CLEC2D: variants seen among roughly 807,000 people sequenced by gnomAD.
CLEC2D encodes the protein C-type lectin domain family 2 member D.
A neutral mutation model predicts 20.0 loss-of-function variants in CLEC2D; 16 were observed. That is an observed-to-expected ratio of 0.80 (90% CI 0.54 to 1.22). CLEC2D has a LOEUF of 1.22. Among genes scored for constraint, CLEC2D ranks in the 50% most tolerant of loss-of-function variants. CLEC2D has a pLI of 0.00. For missense variants in CLEC2D, 207 were observed against 221.5 expected (o/e 0.93, Z 0.42); for synonymous variants, 77 against 71.1 (o/e 1.08, Z -0.42).
In CLEC2D at chr12:9,698,321, A is replaced by G. The variant is rs1866049375; in HGVS notation, c.*3447A>G. On this transcript the variant is annotated 3_prime_UTR_variant, in exon 5 of 5. Transcript: ENST00000290855. The stretch of plus-strand genomic sequence containing the variant: ...CACTATGCTGTGCAATAGATCTCAA[A>G]AGCTTATTCCTCTTAACTGAAACCT... The G allele has an allele frequency of 6.6e-6, 1 of 152,184 alleles. No individual in the cohort carries two copies. The highest frequency in any genetic ancestry group is 1.5e-5 in the Non-Finnish European group (1 of 68,032). 9.4% of individuals were successfully genotyped at this position (152,184 alleles called of 1,614,324 possible). A position where few individuals can be genotyped will look rare whatever the true frequency, so the allele number is the denominator to read the frequency against.
chr12:9,672,679 C>T (rs1451163900), intron 1 of CLEC2D, among the ~76,000 whole-genome samples: 2 of 152,124 alleles, frequency 1.3e-5, no homozygotes, highest in African/African-American at 4.8e-5. Context: ...TCCATCCTCC[C>T]TGTCTCTTTC....
At chr12:9,670,280 A>AATAT (rs34951810) in intron 1 of CLEC2D, among the ~76,000 whole-genome samples, 22 of 150,990 alleles carry the variant, frequency 1.5e-4, no homozygotes, top group African/African-American at 3.2e-4. Context: ...ATGCACTGGA[A>AATAT]ATATATATAT....
intron 2 of CLEC2D, among the ~76,000 whole-genome samples, chr12:9,687,627 G>T (rs1472120181): frequency 6.6e-6 from 1 of 152,130 alleles, no homozygotes; most frequent in Non-Finnish European, 1.5e-5. Context: ...ACTGTTGAGA[G>T]CCAAATAGAT....
chr12:9,692,330 G>A (rs1026386275), intron 3 of CLEC2D, among the ~76,000 whole-genome samples: 9 of 152,020 alleles, frequency 5.9e-5, no homozygotes, highest in Admixed American at 5.2e-4. Context: ...ATAGAGAGGG[G>A]GCTTCATCAT....
chr12:9,678,769 G>C (rs1452294687), intron 1 of CLEC2D, among the ~76,000 whole-genome samples: 2 of 152,098 alleles, frequency 1.3e-5, no homozygotes, highest in Non-Finnish European at 2.9e-5. Flanking sequence ...TTGAACTTCT[G>C]GCCTCAAATG....
Position 9,695,763 on chromosome 12 carries a change from TGAA to T in CLEC2D, c.*895_*897del, listed in dbSNP as rs1170747080. 7 of 1,390,426 alleles carry T rather than the reference TGAA, an allele frequency of 5.0e-6. No homozygotes were observed. The highest frequency in any genetic ancestry group is 1.2e-5 in the South Asian group (1 of 86,554). The allele number at this position is 1,390,426 out of a possible 1,614,324, so 86.1% of individuals were successfully genotyped here. A position where few individuals can be genotyped will look rare whatever the true frequency, so the allele number is the denominator to read the frequency against. The stretch of plus-strand genomic sequence containing the variant: ...TGAAGGAAGGTGCAGAGTCAGAAGA[TGAA>T]GAAGAGGAGGATGTGAAACTCTTAA... On this transcript the variant is annotated 3_prime_UTR_variant, in exon 5 of 5. Transcript: ENST00000290855.
At chr12:9,685,486 A>T (rs183168917) in intron 2 of CLEC2D, among the ~76,000 whole-genome samples, 2 of 152,314 alleles carry the variant, frequency 1.3e-5, no homozygotes, top group Admixed American at 6.5e-5. Flanking sequence ...TAAGAGTTTT[A>T]TCTATAAGCC....
chr12:9,680,384 A>G (rs6488122), intron 1 of CLEC2D: 142,293 of 162,080 alleles, frequency 0.88, 62,682 homozygotes, highest in East Asian at 0.97. Flanking sequence ...AACATTGTCT[A>G]AGAAAGATCC....
intron 3 of CLEC2D, 42 bp downstream of exon 3, chr12:9,688,128 C>A: frequency 6.9e-7 from 1 of 1,439,374 alleles, no homozygotes; most frequent in Non-Finnish European, 9.2e-7. Flanking sequence ...TTCAGCCCTA[C>A]AAGGATATGT....
Position 9,683,317 on chromosome 12 carries a change from AGTTTGTTTTTTGT to A in CLEC2D, c.172+2296_172+2308del, listed in dbSNP as rs1333067604. Reference sequence around the variant, plus strand: ...TAGGTTGCCTGTTCACTCTGATGATAGTTTGTTTTTTGTGTTTGTTTTTTTTTTTTTTTTTTTG... The same window carrying A: ...TAGGTTGCCTGTTCACTCTGATGATAGTTTGTTTTTTTTTTTTTTTTTTTG... On this transcript the variant is annotated intron_variant, in intron 2 of 4. Transcript: ENST00000290855. Among the ~76,000 whole-genome samples, 88 of 79,326 alleles carry A rather than the reference AGTTTGTTTTTTGT, an allele frequency of 1.1e-3. 4 individuals are homozygous for A. The South Asian group carries it at 0.02, about 18-fold the overall frequency. The allele number at this position is 79,326 out of a possible 152,430, so 52.0% of individuals were successfully genotyped here.
intron 1 of CLEC2D, chr12:9,674,272 A>G (rs1865479815): frequency 6.6e-6 from 1 of 152,268 alleles, no homozygotes; most frequent in Non-Finnish European, 1.5e-5. Flanking sequence ...TCTGATCTGC[A>G]GATTGCAAAA....
chr12:9,692,103 TTCTTTCTTTCTTTC>T (rs1865877774), intron 3 of CLEC2D, among the ~76,000 whole-genome samples: 1 of 151,644 alleles, frequency 6.6e-6, no homozygotes, highest in African/African-American at 2.4e-5. Flanking sequence ...TTCTCTTTCT[TTCTTTCTTTCTTTC>T]TCTTTCTTTC....
chr12:9,693,875 G>A, intron 4 of CLEC2D: 1 of 424,532 alleles, frequency 2.4e-6, no homozygotes, highest in South Asian at 1.7e-5. Flanking sequence ...GTACCATCGT[G>A]GCTCACTGCA....
At position 9,696,459 on chromosome 12, in the gene CLEC2D, A is replaced by G. The variant is rs768384680; in HGVS notation, c.*1585A>G. ...TTTTAAGTATGTATGGGATGCTATG[A>G]TAGGACATAGTAGTAGCAGTGGTCA... On this transcript the variant is annotated 3_prime_UTR_variant, in exon 5 of 5. Coordinates refer to ENST00000290855, the MANE Select transcript of CLEC2D (RefSeq NM_013269.6). The G allele has an allele frequency of 4.3e-5, 18 of 418,792 alleles. No homozygotes were observed. Among genetic ancestry groups the G allele is most frequent in the Non-Finnish European group, 7.1e-5 (16 of 225,756 alleles). The allele number at this position is 418,792 out of a possible 1,614,324, so 25.9% of individuals were successfully genotyped here.
intron 2 of CLEC2D, 130 bp from the exon 3 acceptor site, chr12:9,687,772 C>A: frequency 1.9e-6 from 1 of 513,482 alleles, no homozygotes; most frequent in Non-Finnish European, 3.0e-6. Context: ...ATATTTCTCA[C>A]TTGAAAAATG....
intron 3 of CLEC2D, among the ~76,000 whole-genome samples, chr12:9,689,517 C>T (rs755425222): frequency 6.6e-6 from 1 of 152,224 alleles, no homozygotes; most frequent in East Asian, 1.9e-4. Context: ...CCTGAAGAGG[C>T]TCAGATATTA....
In CLEC2D at chr12:9,697,943, GTA is replaced by G. The variant is rs1346335217; in HGVS notation, c.*3071_*3072del. 1 of 152,130 alleles carries G rather than the reference GTA, an allele frequency of 6.6e-6. No homozygotes were observed. Among genetic ancestry groups the G allele is most frequent in the African/African-American group, 2.4e-5 (1 of 41,412 alleles). The allele number at this position is 152,130 out of a possible 1,614,324, so 9.4% of individuals were successfully genotyped here. ...ACCACACAGACAAAAAGAAATGTAAGTATGTGAGATGAAGCTTATGTTAATTA... is the reference window on the plus strand; with the variant it reads ...ACCACACAGACAAAAAGAAATGTAAGTGTGAGATGAAGCTTATGTTAATTA... On this transcript the variant is annotated 3_prime_UTR_variant, in exon 5 of 5. Coordinates refer to ENST00000290855, the MANE Select transcript of CLEC2D (RefSeq NM_013269.6).
chr12:9,680,555 A>T (rs1865613874), intron 1 of CLEC2D, among the ~76,000 whole-genome samples: 1 of 152,160 alleles, frequency 6.6e-6, no homozygotes, highest in South Asian at 2.1e-4. Context: ...TAATCGATAG[A>T]TTTCCTCTTA....
intron 1 of CLEC2D, among the ~76,000 whole-genome samples, chr12:9,677,585 T>G (rs1371132647): frequency 6.6e-6 from 1 of 152,194 alleles, no homozygotes; most frequent in Non-Finnish European, 1.5e-5. Context: ...GAGTGTGTAT[T>G]CTGCTGTTGT....
Sources: gnomAD v4.1 joint callset for allele counts (sites outside exome capture counted in the v4.1 genomes callset) on GRCh38, gnomAD v4.1.1 for gene constraint, MANE v1.5 for transcripts, NCBI Gene and HGNC (gene_info 2026-07-23, HGNC 2026-07-21) for gene names.